CTNNA3: variants seen among roughly 807,000 people sequenced by gnomAD.
CTNNA3 encodes the protein catenin alpha 3, also known as catenin alpha-3.
CTNNA3 carries 76 observed loss-of-function variants against 95.7 expected under a neutral mutation model. The observed-to-expected ratio is 0.79, with a 90% CI of 0.66 to 0.96. The LOEUF (loss-of-function observed/expected upper bound fraction) is 0.96, where lower values mean the gene tolerates loss of function less well. CTNNA3 is among the 40% of genes least tolerant of loss of function. The probability of loss-of-function intolerance (pLI) is 0.00; values close to 1 mark genes in which losing one functional copy is unlikely to be tolerated. For synonymous variants in CTNNA3, 431 were observed against 374.4 expected, an observed-to-expected ratio of 1.15 and a Z score of -1.74; for missense variants, 1,191 against 1,089.8, an observed-to-expected ratio of 1.09 and a Z score of -1.31.
At chr10:66,033,118 T>C (rs80305955) in intron 15 of CTNNA3, among the ~76,000 whole-genome samples, 1 of 129,966 alleles carries the variant, frequency 7.7e-6, no homozygotes, top group African/African-American at 2.8e-5. Context: ...GCTGTAATAA[T>C]TTTTTTTTCT....
chr10:67,617,647 T>C (rs548848720), intron 2 of CTNNA3, among the ~76,000 whole-genome samples: 1 of 152,270 alleles, frequency 6.6e-6, no homozygotes, highest in Admixed American at 6.5e-5. Flanking sequence ...GGTCAAATGG[T>C]AGTTGTTTTT....
At chr10:67,203,732 C>T (rs1232710967) in intron 6 of CTNNA3, among the ~76,000 whole-genome samples, 2 of 152,136 alleles carry the variant, frequency 1.3e-5, no homozygotes, top group African/African-American at 4.8e-5. Flanking sequence ...ATTAATCTTC[C>T]ACAATACCTG....
At chr10:67,168,061 G>A (rs1020531030) in intron 7 of CTNNA3, among the ~76,000 whole-genome samples, 5 of 152,092 alleles carry the variant, frequency 3.3e-5, no homozygotes, top group African/African-American at 1.2e-4. Flanking sequence ...TGCTTGAACT[G>A]GGGGCCAGGG....
At chr10:66,309,943 AAATAAAT>A (rs1044269461) in intron 12 of CTNNA3, among the ~76,000 whole-genome samples, 44 of 140,342 alleles carry the variant, frequency 3.1e-4, no homozygotes, top group African/African-American at 1.2e-3. Flanking sequence ...ATAAATAAAT[AAATAAAT>A]AAATAAAATA....
chr10:67,456,902 A>C (rs189133668), intron 5 of CTNNA3, among the ~76,000 whole-genome samples: 4 of 152,256 alleles, frequency 2.6e-5, no homozygotes, highest in South Asian at 4.1e-4. Flanking sequence ...AGCCAACTCT[A>C]GCAGAAAGCG....
chr10:66,668,640 C>T (rs770070536), intron 9 of CTNNA3, among the ~76,000 whole-genome samples: 1 of 151,820 alleles, frequency 6.6e-6, no homozygotes, highest in Non-Finnish European at 1.5e-5. Flanking sequence ...TGGCAAAACC[C>T]GTCTCTACTA....
intron 13 of CTNNA3, among the ~76,000 whole-genome samples, chr10:66,150,030 C>T (rs1021107535): frequency 6.6e-6 from 1 of 152,090 alleles, no homozygotes; most frequent in Non-Finnish European, 1.5e-5. Flanking sequence ...CCACAATGAA[C>T]TTATTTTGGT....
At chr10:66,689,417 C>G (rs1290797662) in intron 9 of CTNNA3, among the ~76,000 whole-genome samples, 1 of 152,108 alleles carries the variant, frequency 6.6e-6, no homozygotes, top group African/African-American at 2.4e-5. Context: ...CTTGTATTGC[C>G]TTTATTTCAA....
intron 2 of CTNNA3, among the ~76,000 whole-genome samples, chr10:67,613,824 T>A (rs529502829): frequency 1.3e-5 from 2 of 152,252 alleles, no homozygotes; most frequent in Admixed American, 6.5e-5. Context: ...AGAGACCCAT[T>A]TTATGGAAGA....
chr10:66,731,541 C>T (rs967881441), intron 9 of CTNNA3, among the ~76,000 whole-genome samples: 16 of 152,102 alleles, frequency 1.1e-4, no homozygotes, highest in African/African-American at 3.9e-4. Flanking sequence ...TGCTGCAAAG[C>T]TGTTAATAGC....
intron 7 of CTNNA3, among the ~76,000 whole-genome samples, chr10:66,816,121 T>C (rs1217830393): frequency 6.6e-6 from 1 of 152,180 alleles, no homozygotes; most frequent in Non-Finnish European, 1.5e-5. Context: ...TTGCTATTAA[T>C]TTGAATTAAA....
At chr10:66,458,285 A>T (rs1589279110) in intron 11 of CTNNA3, among the ~76,000 whole-genome samples, 1 of 152,226 alleles carries the variant, frequency 6.6e-6, no homozygotes, top group Non-Finnish European at 1.5e-5. Context: ...AGCTCTAAAA[A>T]GGAAAGAATT....
chr10:67,231,323 G>A (rs1180408258), intron 5 of CTNNA3, among the ~76,000 whole-genome samples: 3 of 152,230 alleles, frequency 2.0e-5, no homozygotes, highest in Admixed American at 6.5e-5. Flanking sequence ...CGCAGCTGGA[G>A]ATCTGAGAAC....
chr10:67,274,553 C>A (rs982096273), intron 5 of CTNNA3, among the ~76,000 whole-genome samples: 1 of 152,198 alleles, frequency 6.6e-6, no homozygotes, highest in East Asian at 1.9e-4. Context: ...GATGGCCTGG[C>A]GCAGTGGCTC....
intron 9 of CTNNA3, among the ~76,000 whole-genome samples, chr10:66,741,058 T>C (rs1006910869): frequency 6.6e-6 from 1 of 152,228 alleles, no homozygotes; most frequent in African/African-American, 2.4e-5. Flanking sequence ...TATAAAATCC[T>C]TTAGGTGATT....
intron 7 of CTNNA3, among the ~76,000 whole-genome samples, chr10:67,083,438 C>A (rs1215979846): frequency 6.6e-6 from 1 of 152,032 alleles, no homozygotes; most frequent in Non-Finnish European, 1.5e-5. Context: ...TGGCCACCCC[C>A]ACTAAAGCAG....
intron 11 of CTNNA3, among the ~76,000 whole-genome samples, chr10:66,436,501 C>CTTTTTTTTT (rs34165061): frequency 1.8e-3 from 108 of 60,378 alleles, no homozygotes; most frequent in African/African-American, 4.0e-3. Flanking sequence ...ACAATCCCTG[C>CTTTTTTTTT]TTTTTTTTTT....
chr10:67,628,825 G>C (rs1839043830), intron 2 of CTNNA3, among the ~76,000 whole-genome samples: 1 of 151,952 alleles, frequency 6.6e-6, no homozygotes, highest in Admixed American at 6.6e-5. Context: ...GCCATTTTAA[G>C]TCCCATTGTC....
At chr10:67,340,871 G>A (rs1473843235) in intron 5 of CTNNA3, among the ~76,000 whole-genome samples, 6 of 152,044 alleles carry the variant, frequency 3.9e-5, no homozygotes, top group African/African-American at 1.4e-4. Context: ...TTTCTTTTTG[G>A]TGTCAATGGA....
Sources: gnomAD v4.1 joint callset for allele counts (sites outside exome capture counted in the v4.1 genomes callset) on GRCh38, gnomAD v4.1.1 for gene constraint, MANE v1.5 for transcripts, NCBI Gene and HGNC (gene_info 2026-07-23, HGNC 2026-07-21) for gene names.